The following ARFGEF1 variants were observed in gnomAD, a reference collection of about 807,000 sequenced individuals.
The protein encoded by ARFGEF1 is ARF guanine nucleotide exchange factor 1, also known as brefeldin A-inhibited guanine nucleotide-exchange protein 1.
A neutral mutation model predicts 231.0 loss-of-function variants in ARFGEF1; 42 were observed. That is an observed-to-expected ratio of 0.18 (90% CI 0.14 to 0.24). The LOEUF is 0.24. Ranked by LOEUF, ARFGEF1 falls within the 10% of genes least tolerant of loss-of-function variation. The pLI, the probability that ARFGEF1 is intolerant of heterozygous loss-of-function variation, is 1.00. For missense variants in ARFGEF1, 1,345 were observed against 2,192.0 expected, an observed-to-expected ratio of 0.61 and a Z score of 7.72; for synonymous variants, 710 against 732.3, an observed-to-expected ratio of 0.97 and a Z score of 0.49.
chr8:67,196,909 T>G (rs577467394), downstream of ARFGEF1, among the ~76,000 whole-genome samples: 1 of 152,322 alleles, frequency 6.6e-6, no homozygotes, highest in Admixed American at 6.5e-5. Flanking sequence ...ACAAATGCAT[T>G]GTTCAGTAAC....
intron 2 of ARFGEF1, among the ~76,000 whole-genome samples, chr8:67,301,732 A>C (rs1281620145): frequency 1.3e-5 from 2 of 152,214 alleles, no homozygotes; most frequent in East Asian, 3.8e-4. Context: ...ATTTGTCCTT[A>C]AGTCAAAGTG....
chr8:67,284,032 T>G (rs1307349073), intron 7 of ARFGEF1, among the ~76,000 whole-genome samples: 2 of 152,168 alleles, frequency 1.3e-5, no homozygotes, highest in African/African-American at 4.8e-5. Flanking sequence ...ATGTACAAAG[T>G]TATTCACTGC....
intron 33 of ARFGEF1, among the ~76,000 whole-genome samples, chr8:67,214,578 A>G (rs891796645): frequency 7.9e-5 from 12 of 152,334 alleles, no homozygotes; most frequent in African/African-American, 2.2e-4. Flanking sequence ...GGCCAAGGCT[A>G]TAATAGCTGG....
At chr8:67,319,304 T>A (rs1242338546) in intron 1 of ARFGEF1, among the ~76,000 whole-genome samples, 1 of 152,112 alleles carries the variant, frequency 6.6e-6, no homozygotes, top group East Asian at 1.9e-4. Flanking sequence ...GAAATCCCTA[T>A]CTCCAATTTT....
At chr8:67,190,019 G>C (rs1835778805) in intron 5 of ARFGEF1, among the ~76,000 whole-genome samples, 1 of 152,166 alleles carries the variant, frequency 6.6e-6, no homozygotes, top group African/African-American at 2.4e-5. Flanking sequence ...AAACAGGTTG[G>C]TAGTTCCTCA....
chr8:67,333,591 GGT>G (rs1808206026), intron 1 of ARFGEF1, among the ~76,000 whole-genome samples: 1 of 152,052 alleles, frequency 6.6e-6, no homozygotes, highest in African/African-American at 2.4e-5. Context: ...TGGGATTTCA[GGT>G]GTGAGCCGCC....
At chr8:67,265,046 C>T (rs2128893150) in intron 14 of ARFGEF1, among the ~76,000 whole-genome samples, 1 of 152,200 alleles carries the variant, frequency 6.6e-6, no homozygotes, top group South Asian at 2.1e-4. Flanking sequence ...GAAGGAAGGG[C>T]TTTTCCATGT....
chr8:67,250,589 T>C (rs1364760122), intron 19 of ARFGEF1, among the ~76,000 whole-genome samples: 1 of 152,074 alleles, frequency 6.6e-6, no homozygotes, highest in Non-Finnish European at 1.5e-5. Flanking sequence ...CACACATACG[T>C]GTAGTTAGAA....
At chr8:67,219,376 A>C (rs1217148302) in intron 30 of ARFGEF1, 55 bp downstream of exon 30, 2 of 1,563,678 alleles carry the variant, frequency 1.3e-6, no homozygotes, top group African/African-American at 2.8e-5. Context: ...ATTGATTATA[A>C]TACTGAGAAT....
intron 14 of ARFGEF1, among the ~76,000 whole-genome samples, chr8:67,265,585 A>C (rs1804817929): frequency 6.6e-6 from 1 of 152,186 alleles, no homozygotes; most frequent in Admixed American, 6.5e-5. Flanking sequence ...TATAAAAATG[A>C]AATCAATAAC....
intron 27 of ARFGEF1, 76 bp downstream of exon 27, chr8:67,227,061 T>C: frequency 7.4e-7 from 1 of 1,351,942 alleles, no homozygotes; most frequent in Non-Finnish European, 1.0e-6. Context: ...TTATTGTTAC[T>C]TGAATCATCT....
Position 67,330,072 on chromosome 8 carries a change from A to G in ARFGEF1, c.124+13092T>C, listed in dbSNP as rs896217193. ...AAAGATTAGCAAATCTTTCTTAAAG[A>G]TATTTTTCATTCAAACCAAGAAAAA... On this transcript the variant is annotated intron_variant, in intron 1 of 38. Transcript: ENST00000262215. Among the ~76,000 whole-genome samples, 5 of 152,236 alleles carry G rather than the reference A, an allele frequency of 3.3e-5. No individual in the cohort carries two copies. The East Asian group carries it at 5.8e-4, about 18-fold the overall frequency.
chr8:67,189,914 C>T (rs933383375), intron 5 of ARFGEF1, among the ~76,000 whole-genome samples: 2 of 152,044 alleles, frequency 1.3e-5, no homozygotes, highest in African/African-American at 4.8e-5. Context: ...AAATTAGCTA[C>T]CGATCCACTA....
At chr8:67,265,466 T>C (rs1475445600) in intron 14 of ARFGEF1, among the ~76,000 whole-genome samples, 2 of 151,918 alleles carry the variant, frequency 1.3e-5, no homozygotes, top group East Asian at 1.9e-4. Flanking sequence ...ACAAAGGAAA[T>C]AGTCCAGGAG....
intron 28 of ARFGEF1, among the ~76,000 whole-genome samples, chr8:67,225,374 C>G (rs918248593): frequency 2.0e-5 from 3 of 152,174 alleles, no homozygotes; most frequent in Admixed American, 6.5e-5. Flanking sequence ...ATTAACCACA[C>G]TGGTGAAGTA....
At chr8:67,264,496 G>C (rs2128892806) in intron 14 of ARFGEF1, among the ~76,000 whole-genome samples, 1 of 152,150 alleles carries the variant, frequency 6.6e-6, no homozygotes, top group African/African-American at 2.4e-5. Context: ...CTTTTGTTTT[G>C]GGTAGGAGAA....
intron 19 of ARFGEF1, among the ~76,000 whole-genome samples, chr8:67,241,043 C>T (rs1197682593): frequency 1.3e-5 from 2 of 152,026 alleles, no homozygotes; most frequent in African/African-American, 4.8e-5. Flanking sequence ...ACTATATAGC[C>T]ATATAGCCAT....
chr8:67,291,906 G>A lies in ARFGEF1; in HGVS notation c.857C>T (p.Ser286Phe). 1.2e-6 allele frequency: 2 copies of A among 1,613,886 alleles called. No individual in the cohort carries two copies. Among genetic ancestry groups the A allele is most frequent in the Non-Finnish European group, 1.7e-6 (2 of 1,179,862 alleles). The stretch of plus-strand genomic sequence containing the variant: ...TTCATTTTCTGCACTGGAAATATCA[G>A]ATCCATTTTCAGGCTCTGTGTCATC... ...LQDDTEPENG[S>F]DISSAENEQT... is the part of the protein sequence containing the mutation. Residue 286 changes from serine (S) to phenylalanine (F), a missense_variant, in exon 6 of 39, where the codon TCT becomes TTT. Ser to Phe is a radical substitution (Grantham distance 155, BLOSUM62 -2). Around this residue, in one of 14 missense-constraint regions of ARFGEF1, gnomAD observed 398 missense variants for 463.2 expected, o/e 0.86. Coordinates refer to ENST00000262215, the MANE Select transcript of ARFGEF1 (RefSeq NM_006421.5).
downstream of ARFGEF1, chr8:67,193,515 T>C (rs766061975): frequency 8.7e-6 from 14 of 1,612,610 alleles, no homozygotes; most frequent in Non-Finnish European, 1.2e-5. Context: ...AAAATCTATA[T>C]CCAGTGTAAA....
Sources: gnomAD v4.1 joint callset for allele counts (sites outside exome capture counted in the v4.1 genomes callset) on GRCh38, gnomAD v4.1.1 for gene constraint, gnomAD v4.1.1 regional missense constraint, MANE v1.5 for transcripts, NCBI Gene and HGNC (gene_info 2026-07-23, HGNC 2026-07-21) for gene names.